Variants in IL5RA observed in about 807,000 individuals in gnomAD.
IL5RA encodes interleukin-5 receptor subunit alpha.
Under a neutral mutation model 50.0 loss-of-function variants are expected in IL5RA, and 49 were observed. The observed-to-expected ratio is 0.98, with a 90% confidence interval of 0.78 to 1.24. IL5RA has a LOEUF of 1.24. Among genes scored for constraint, IL5RA ranks in the 50% most tolerant of loss-of-function variants. IL5RA has a pLI of 0.00. For synonymous variants in IL5RA, 202 were observed against 174.0 expected (o/e 1.16, Z -1.26); for missense variants, 600 against 500.4 (o/e 1.20, Z -1.90).
In IL5RA at chr3:3,098,306, T is replaced by G. The variant is rs755569699; in HGVS notation, c.368-16A>C. 1 of 1,610,772 alleles carries G rather than the reference T, an allele frequency of 6.2e-7. No individual in the cohort carries two copies. Among genetic ancestry groups the G allele is most frequent in the Non-Finnish European group, 8.5e-7 (1 of 1,177,410 alleles). ...CCAGGAGACCCTAGGTAGTCAAAAG[T>G]AAAAAGGACAAAACATTGCCATGGC... On this transcript the variant is annotated splice_polypyrimidine_tract_variant and intron_variant, in intron 5 of 11. Coordinates refer to ENST00000446632, the MANE Select transcript of IL5RA (RefSeq NM_175726.4).
chr3:3,108,622 A>G lies in IL5RA; in HGVS notation c.-76T>C, dbSNP rs959724327. The G allele has an allele frequency of 2.6e-5, 4 of 152,246 alleles. No homozygotes were observed. Among genetic ancestry groups the G allele is most frequent in the African/African-American group, 7.2e-5 (3 of 41,460 alleles). The allele number at this position is 152,246 out of a possible 1,614,324, so 9.4% of individuals were successfully genotyped here. A position where few individuals can be genotyped will look rare whatever the true frequency, so the allele number is the denominator to read the frequency against. On this transcript the variant is annotated 5_prime_UTR_variant, in exon 2 of 12. It removes the in-frame stop codon of an upstream open reading frame in the 5' UTR. Coordinates refer to ENST00000446632, the MANE Select transcript of IL5RA (RefSeq NM_175726.4). The stretch of plus-strand genomic sequence containing the variant: ...GGCGAGGACCGTGTCTGTCGTGTCT[A>G]TGCTCGTGGCTGCAACCCCAGCATC...
intron 5 of IL5RA, among the ~76,000 whole-genome samples, chr3:3,100,193 T>C (rs1436993525): frequency 6.6e-6 from 1 of 152,096 alleles, no homozygotes; most frequent in African/African-American, 2.4e-5. Flanking sequence ...CCTTGAGAGA[T>C]AGAAGGGGGT....
intron 7 of IL5RA, 126 bp from the exon 8 acceptor site, chr3:3,095,570 G>T: frequency 1.3e-6 from 1 of 782,892 alleles, no homozygotes; most frequent in Non-Finnish European, 2.1e-6. Context: ...TTTACCATCA[G>T]GTCTTAATCA....
chr3:3,081,543 A>C (rs1702664807), intron 9 of IL5RA, among the ~76,000 whole-genome samples: 1 of 152,216 alleles, frequency 6.6e-6, no homozygotes, highest in Admixed American at 6.5e-5. Context: ...AATAATTATC[A>C]GGGTCACACT....
At chr3:3,086,819 C>T (rs139753666) in intron 9 of IL5RA, among the ~76,000 whole-genome samples, 1 of 152,282 alleles carries the variant, frequency 6.6e-6, no homozygotes, top group Non-Finnish European at 1.5e-5. Context: ...CACCTAAGTA[C>T]CTATCAACCG....
intron 5 of IL5RA, among the ~76,000 whole-genome samples, chr3:3,099,379 A>C (rs1220092253): frequency 1.3e-5 from 2 of 152,118 alleles, no homozygotes; most frequent in Non-Finnish European, 2.9e-5. Context: ...CTGTAGTCCC[A>C]GCACTTTGGG....
intron 9 of IL5RA, among the ~76,000 whole-genome samples, chr3:3,077,400 C>T (rs2125955230): frequency 6.6e-6 from 1 of 152,300 alleles, no homozygotes; most frequent in East Asian, 1.9e-4. Context: ...GTGCTGCACC[C>T]ATTAACTCTT....
chr3:3,108,702 T>C lies in IL5RA; in HGVS notation c.-145-11A>G, dbSNP rs1425057388. The C allele has an allele frequency of 6.6e-6, 1 of 152,134 alleles. No homozygotes were observed. Among genetic ancestry groups the C allele is most frequent in the Non-Finnish European group, 1.5e-5 (1 of 68,040 alleles). The allele number at this position is 152,134 out of a possible 1,614,324, so 9.4% of individuals were successfully genotyped here. ...TCAATGTGCCTGGCCCTGTGTGGAATAGAAGCAAATTAGTGCACAGCCCTA... is the reference window on the plus strand; with the variant it reads ...TCAATGTGCCTGGCCCTGTGTGGAACAGAAGCAAATTAGTGCACAGCCCTA... On this transcript the variant is annotated splice_polypyrimidine_tract_variant and intron_variant, in intron 1 of 11. Transcript: ENST00000446632.
chr3:3,093,213 A>G (rs1424379386), intron 8 of IL5RA, among the ~76,000 whole-genome samples: 1 of 152,208 alleles, frequency 6.6e-6, no homozygotes, highest in Non-Finnish European at 1.5e-5. Flanking sequence ...TGATTTCAGC[A>G]TTGGTCTTAT....
chr3:3,084,879 C>G (rs1025763308), intron 9 of IL5RA, among the ~76,000 whole-genome samples: 25 of 152,252 alleles, frequency 1.6e-4, no homozygotes, highest in African/African-American at 5.1e-4. Context: ...GGGGCTGGCC[C>G]CCTGACAGCA....
intron 9 of IL5RA, chr3:3,090,269 G>A (rs772848969): frequency 6.4e-7 from 1 of 1,562,044 alleles, no homozygotes; most frequent in African/African-American, 1.4e-5. Flanking sequence ...AGGAAACAGA[G>A]AGAAATTATT....
intron 9 of IL5RA, among the ~76,000 whole-genome samples, chr3:3,091,152 G>A (rs1703080564): frequency 6.6e-6 from 1 of 152,182 alleles, no homozygotes; most frequent in Non-Finnish European, 1.5e-5. Context: ...TAGGCTGAAG[G>A]CTCAGGGACA....
intron 5 of IL5RA, among the ~76,000 whole-genome samples, chr3:3,100,027 G>A (rs73010932): frequency 1.3e-5 from 2 of 152,270 alleles, no homozygotes; most frequent in Non-Finnish European, 2.9e-5. Context: ...CAAATTATGT[G>A]ACTAGAAAGG....
At chr3:3,105,347 G>A (rs1703859577) in intron 2 of IL5RA, 2 of 160,726 alleles carry the variant, frequency 1.2e-5, no homozygotes, top group Admixed American at 6.4e-5. Flanking sequence ...GGAACCCAAG[G>A]TATGTGCAAA....
At chr3:3,094,510 A>C (rs1379752756) in intron 8 of IL5RA, among the ~76,000 whole-genome samples, 1 of 152,166 alleles carries the variant, frequency 6.6e-6, no homozygotes, top group Non-Finnish European at 1.5e-5. Context: ...CCATTCATTT[A>C]ATGGGCACTT....
At chr3:3,103,402 G>A (rs1166435152) in intron 3 of IL5RA, among the ~76,000 whole-genome samples, 3 of 152,162 alleles carry the variant, frequency 2.0e-5, no homozygotes, top group African/African-American at 7.2e-5. Flanking sequence ...TAATGTGGAA[G>A]AAAAATAGAA....
At chr3:3,102,905 C>T (rs1703722998) in intron 3 of IL5RA, 85 bp from the exon 4 acceptor site, 2 of 1,106,896 alleles carry the variant, frequency 1.8e-6, no homozygotes, top group Non-Finnish European at 2.6e-6. Context: ...ATTTATTGCC[C>T]TGCAGATGCT....
rs1436313844 is a variant in IL5RA at position 3,095,430 on chromosome 3, G to A, written c.724C>T (p.Pro242Ser). Residue 242 changes from proline to serine, a missense_variant, in exon 8 of 12, where the codon CCA (proline) becomes TCA (serine). Physicochemically the swap from Pro to Ser is moderately conservative, Grantham distance 74. Coordinates refer to ENST00000446632, the MANE Select transcript of IL5RA (RefSeq NM_175726.4). ...ALHAIDQINP[P>S]LNVTAEIEGT... ...TCAATCTCTGCTGTGACATTCAGTG[G>A]AGGATTTATTTGATCTAAGTTAGGG... The A allele has an allele frequency of 1.9e-6, 3 of 1,610,302 alleles. No individual in the cohort carries two copies. Among genetic ancestry groups the A allele is most frequent in the South Asian group, 2.2e-5 (2 of 89,476 alleles).
rs1702138001 is a variant in IL5RA, at chr3:3,066,366, T to C, written c.*3859A>G. The C allele has an allele frequency of 6.6e-6, 1 of 152,160 alleles. No homozygotes were observed. The highest frequency in any genetic ancestry group is 1.5e-5 in the Non-Finnish European group (1 of 67,988). The allele number at this position is 152,160 out of a possible 1,614,324, so 9.4% of individuals were successfully genotyped here. A position where few individuals can be genotyped will look rare whatever the true frequency, so the allele number is the denominator to read the frequency against. ...TTAATATTTCTCATTCTGAAACATA[T>C]TTATATTCACATCTATTACCTACAA... On this transcript the variant is annotated 3_prime_UTR_variant, in exon 12 of 12. Transcript: ENST00000446632.
Sources: gnomAD v4.1 joint callset for allele counts (sites outside exome capture counted in the v4.1 genomes callset) on GRCh38, gnomAD v4.1.1 for gene constraint, MANE v1.5 for transcripts, NCBI Gene and HGNC (gene_info 2026-07-23, HGNC 2026-07-21) for gene names.